The following BMPR1B variants were observed in gnomAD, a reference collection of about 807,000 sequenced individuals.
The protein encoded by BMPR1B is bone morphogenetic protein receptor type 1B, also known as bone morphogenetic protein receptor type-1B.
Under a neutral mutation model 59.1 loss-of-function variants are expected in BMPR1B, and 12 were observed. The observed-to-expected ratio is 0.20, with a 90% confidence interval of 0.13 to 0.33. The LOEUF is 0.33. Among genes scored for constraint, BMPR1B ranks in the 10% least tolerant of loss-of-function variants. The pLI, the probability that BMPR1B is intolerant of heterozygous loss-of-function variation, is 1.00. For synonymous variants in BMPR1B, 237 were observed against 207.3 expected (o/e 1.14, Z -1.23); for missense variants, 550 against 610.9 (o/e 0.90, Z 1.05).
intron 1 of BMPR1B, among the ~76,000 whole-genome samples, chr4:94,783,143 C>T (rs1032489240): frequency 6.6e-6 from 1 of 152,150 alleles, no homozygotes; most frequent in African/African-American, 2.4e-5. Context: ...CTGTTGTTAT[C>T]ACGCCAGCTA....
chr4:94,924,859 G>A (rs967417472), intron 2 of BMPR1B, among the ~76,000 whole-genome samples: 1 of 152,028 alleles, frequency 6.6e-6, no homozygotes, highest in Non-Finnish European at 1.5e-5. Flanking sequence ...TTTCAGTGAT[G>A]TGAGCCAAAA....
chr4:94,758,712 A>C (rs1560801635), intron 1 of BMPR1B, among the ~76,000 whole-genome samples: 1 of 150,740 alleles, frequency 6.6e-6, no homozygotes, highest in African/African-American at 2.4e-5. Flanking sequence ...CTCTCTCTCT[A>C]TGCCTCTCTC....
intron 1 of BMPR1B, among the ~76,000 whole-genome samples, chr4:94,823,519 A>G (rs1022237789): frequency 3.3e-5 from 5 of 152,198 alleles, no homozygotes; most frequent in African/African-American, 9.6e-5. Flanking sequence ...CTGAGAGACA[A>G]CTAGCAGAGG....
At chr4:95,035,594 A>G (rs1725181523) in intron 3 of BMPR1B, among the ~76,000 whole-genome samples, 1 of 151,908 alleles carries the variant, frequency 6.6e-6, no homozygotes, top group African/African-American at 2.4e-5. Context: ...GGCTTTAAAT[A>G]TTTGGCTTTA....
At chr4:94,939,064 A>G (rs1463306399) in intron 2 of BMPR1B, among the ~76,000 whole-genome samples, 1 of 152,160 alleles carries the variant, frequency 6.6e-6, no homozygotes, top group Admixed American at 6.6e-5. Flanking sequence ...TGATTCCATG[A>G]TCTGAACTCC....
rs907611133 is a variant in BMPR1B, at chr4:94,787,034, A to G, written c.-183+28966A>G. ...TCCCCAGGACATTTTTTGTTTTACC[A>G]GGGCGACAAGGAATGAATTATTGAC... On this transcript the variant is annotated intron_variant, in intron 1 of 12. Coordinates refer to ENST00000515059, the MANE Select transcript of BMPR1B (RefSeq NM_001203.3). Among the ~76,000 whole-genome samples the G allele has an allele frequency of 3.3e-5, 5 of 152,198 alleles. No individual in the cohort carries two copies. The East Asian group carries it at 9.7e-4, about 29-fold the overall frequency.
At chr4:95,123,305 A>G (rs1407273411) in intron 6 of BMPR1B, among the ~76,000 whole-genome samples, 1 of 152,174 alleles carries the variant, frequency 6.6e-6, no homozygotes, top group African/African-American at 2.4e-5. Flanking sequence ...TCTATTTGGC[A>G]ACATTTGAGG....
rs190871420 is a variant in BMPR1B, at chr4:94,776,488, G to A, written c.-183+18420G>A. Reference sequence around the variant, plus strand: ...TTTTGCTCACTTACATAATAAACACGAAGTACTCTTATTCTCTTTTTTCTT... The same window carrying A: ...TTTTGCTCACTTACATAATAAACACAAAGTACTCTTATTCTCTTTTTTCTT... On this transcript the variant is annotated intron_variant, in intron 1 of 12. Coordinates refer to ENST00000515059, the MANE Select transcript of BMPR1B (RefSeq NM_001203.3). Among the ~76,000 whole-genome samples, 13 of 152,254 alleles carry A rather than the reference G, an allele frequency of 8.5e-5. No individual in the cohort carries two copies. In the East Asian group the frequency reaches 1.5e-3, roughly 18 times the overall value.
chr4:95,132,130 A>G (rs1029747282), intron 10 of BMPR1B, among the ~76,000 whole-genome samples: 2 of 152,136 alleles, frequency 1.3e-5, no homozygotes, highest in Admixed American at 1.3e-4. Flanking sequence ...TCTTACTTTA[A>G]TCAGAGAGGC....
intron 6 of BMPR1B, among the ~76,000 whole-genome samples, chr4:95,119,902 CT>C (rs1207479767): frequency 6.6e-6 from 1 of 151,996 alleles, no homozygotes; most frequent in African/African-American, 2.4e-5. Context: ...AGATGTTTTT[CT>C]TTTTTTAAAT....
At chr4:94,841,834 A>G (rs939029905) in intron 1 of BMPR1B, among the ~76,000 whole-genome samples, 7 of 152,242 alleles carry the variant, frequency 4.6e-5, no homozygotes, top group African/African-American at 1.7e-4. Context: ...AATGAAAATG[A>G]AAATATCTGT....
chr4:95,140,919 T>C (rs1734190897), intron 10 of BMPR1B, among the ~76,000 whole-genome samples: 1 of 152,214 alleles, frequency 6.6e-6, no homozygotes, highest in African/African-American at 2.4e-5. Context: ...GAATGACCTC[T>C]CAAATTTCAT....
intron 3 of BMPR1B, among the ~76,000 whole-genome samples, chr4:95,031,320 T>C (rs1724834555): frequency 6.6e-6 from 1 of 152,100 alleles, no homozygotes; most frequent in Non-Finnish European, 1.5e-5. Context: ...TAGAGAGGAA[T>C]GTGATCGGGA....
At chr4:94,858,808 T>G (rs1361493073) in intron 1 of BMPR1B, among the ~76,000 whole-genome samples, 1 of 152,150 alleles carries the variant, frequency 6.6e-6, no homozygotes, top group East Asian at 1.9e-4. Context: ...TCTACTTCAT[T>G]TTTAATACAT....
intron 1 of BMPR1B, among the ~76,000 whole-genome samples, chr4:94,831,292 T>C (rs1433111681): frequency 8.4e-6 from 1 of 119,736 alleles, no homozygotes. Context: ...AATGAAAAAA[T>C]ATTTTTGTAT....
intron 10 of BMPR1B, among the ~76,000 whole-genome samples, chr4:95,137,306 G>T (rs572960196): frequency 2.0e-5 from 3 of 152,304 alleles, no homozygotes; most frequent in South Asian, 4.1e-4. Context: ...ATTTACATTT[G>T]CTGAAGAGTG....
intron 6 of BMPR1B, among the ~76,000 whole-genome samples, chr4:95,121,900 G>A (rs185898430): frequency 6.6e-6 from 1 of 152,292 alleles, no homozygotes; most frequent in African/African-American, 2.4e-5. Context: ...TCATTAGCAT[G>A]TGCAAAGATG....
At chr4:95,029,068 T>TTTTA (rs58125268) in intron 3 of BMPR1B, among the ~76,000 whole-genome samples, 142,133 of 150,644 alleles carry the variant, frequency 0.94, 67,137 homozygotes, top group Middle Eastern at 0.99. Flanking sequence ...AACATTTTCT[T>TTTTA]TTTATTTATT....
intron 1 of BMPR1B, among the ~76,000 whole-genome samples, chr4:94,873,630 G>A (rs565923776): frequency 1.6e-4 from 25 of 152,098 alleles, no homozygotes; most frequent in East Asian, 7.8e-4. Flanking sequence ...AGATGGTCTC[G>A]ATCTCCTGAC....
Sources: gnomAD v4.1 joint callset for allele counts (sites outside exome capture counted in the v4.1 genomes callset) on GRCh38, gnomAD v4.1.1 for gene constraint, MANE v1.5 for transcripts, NCBI Gene and HGNC (gene_info 2026-07-23, HGNC 2026-07-21) for gene names.